The following RADIL variants were observed in gnomAD, a reference collection of about 807,000 sequenced individuals.
RADIL encodes the protein Rap associating with DIL domain.
A neutral mutation model predicts 97.6 loss-of-function variants in RADIL; 99 were observed. The observed-to-expected ratio is 1.01, with a 90% CI of 0.86 to 1.20. RADIL has a LOEUF of 1.20. RADIL is among the 50% of genes most tolerant of loss of function. The probability of loss-of-function intolerance (pLI) is 0.00; values close to 1 mark genes in which losing one functional copy is unlikely to be tolerated. For missense variants in RADIL, 1,765 were observed against 1,498.9 expected (o/e 1.18, Z -2.93); for synonymous variants, 803 against 691.8 (o/e 1.16, Z -2.52).
intron 1 of RADIL, chr7:4,881,995 C>G (rs1007111837): frequency 6.6e-6 from 1 of 151,586 alleles, no homozygotes; most frequent in Admixed American, 6.6e-5. Flanking sequence ...GATTCGAAGG[C>G]AGAGGCAGAG....
At chr7:4,820,743 G>A (rs773107825) in intron 6 of RADIL, among the ~76,000 whole-genome samples, 46 of 152,282 alleles carry the variant, frequency 3.0e-4, no homozygotes, top group Admixed American at 7.8e-4. Flanking sequence ...GGGCCAGCCC[G>A]GCCTGTTCCA....
In RADIL at chr7:4,799,632, C is replaced by T; in HGVS notation, c.3120G>A (p.Leu1040=). Residue 1040 remains leucine (L), a splice_region_variant and synonymous_variant, in exon 14 of 15, where the codon CTG becomes CTA. Coordinates refer to ENST00000399583, the MANE Select transcript of RADIL (RefSeq NM_018059.5). ...GGGCGTGCATGCGGTGGGGGTACCT[C>T]AGGTAGCCAAGGCCCAGGAGGCTGC... ...NGSSLLGLGY[L]RAVDLIRHGG... 6.2e-7 allele frequency: 1 copy of T among 1,605,322 alleles called. No homozygotes were observed. Among genetic ancestry groups the T allele is most frequent in the Non-Finnish European group, 8.5e-7 (1 of 1,176,314 alleles).
At chr7:4,832,933 G>A (rs1426509408) in intron 4 of RADIL, among the ~76,000 whole-genome samples, 1 of 152,154 alleles carries the variant, frequency 6.6e-6, no homozygotes, top group Non-Finnish European at 1.5e-5. Context: ...CATGGGATCT[G>A]GACAGCACCC....
intron 2 of RADIL, among the ~76,000 whole-genome samples, chr7:4,836,895 A>T (rs1562444330): frequency 6.6e-6 from 1 of 152,036 alleles, no homozygotes; most frequent in Non-Finnish European, 1.5e-5. Flanking sequence ...CTGAGATTGC[A>T]CCACTGCACT....
intron 2 of RADIL, chr7:4,862,032 CCGTACACGCGCGGGCGCCTG>C (rs1348391338): frequency 4.9e-6 from 2 of 408,894 alleles, no homozygotes; most frequent in Admixed American, 4.2e-5. Flanking sequence ...CCAGAACCTA[CCGTACACGCGCGGGCGCCTG>C]CGCACCCGCC....
chr7:4,834,900 C>T lies in RADIL; in HGVS notation c.1123G>A (p.Val375Met). ...CCGCACAGCCGGCAGCTCTGCGGCA[C>T]AGCCCGGAGGCGCGCCAAGGCCCGG... is the stretch of plus-strand genomic sequence containing the variant. Reference protein sequence around the residue: ...PARALARLRAVPQSCRLCGAA... With the variant: ...PARALARLRAMPQSCRLCGAA... Residue 375 changes from valine (V) to methionine (M), a missense_variant, in exon 4 of 15, where the codon GTG (valine) becomes ATG (methionine). Transcript: ENST00000399583. The surrounding 1 kb of genome is among the most constrained non-coding windows in gnomAD (Gnocchi z 6.0). The T allele has an allele frequency of 6.7e-7, 1 of 1,487,988 alleles. No individual in the cohort carries two copies. The highest frequency in any genetic ancestry group is 8.9e-7 in the Non-Finnish European group (1 of 1,120,196). The allele number at this position is 1,487,988 out of a possible 1,614,324, so 92.2% of individuals were successfully genotyped here. A position where few individuals can be genotyped will look rare whatever the true frequency, so the allele number is the denominator to read the frequency against.
Position 4,799,678 on chromosome 7 carries a change from C to A in RADIL, c.3074G>T (p.Arg1025Leu). Residue 1025 changes from arginine (R) to leucine (L), a missense_variant, in exon 14 of 15, where the codon CGT becomes CTT. By Grantham distance (102) the Arg-to-Leu change is moderately radical. Transcript: ENST00000399583. ...GCTGCTGCCATTCACCTCCAGGATA[C>A]GGTCCCCCAGCGACAGGCGCCCGTC... ...AADGRLSLGD[R>L]ILEVNGSSLL... The A allele has an allele frequency of 6.3e-7, 1 of 1,591,816 alleles. No homozygotes were observed. Among genetic ancestry groups the A allele is most frequent in the Non-Finnish European group, 8.5e-7 (1 of 1,170,406 alleles).
chr7:4,821,930 CACA>C lies in RADIL; in HGVS notation c.1615+461_1615+463del, dbSNP rs1782844086. On this transcript the variant is annotated intron_variant, in intron 6 of 14. Transcript: ENST00000399583. The surrounding 1 kb of genome is among the most constrained non-coding windows in gnomAD (Gnocchi z 5.2). ...GTGAAACCGACATAATCTACAATTTCACAACAATGACTGGCAACATCTGTCCTT... is the reference window on the plus strand; with the variant it reads ...GTGAAACCGACATAATCTACAATTTCACAATGACTGGCAACATCTGTCCTT... Among the ~76,000 whole-genome samples the C allele has an allele frequency of 1.3e-5, 2 of 152,148 alleles. No homozygotes were observed. Among genetic ancestry groups the C allele is most frequent in the African/African-American group, 2.4e-5 (1 of 41,442 alleles).
At chr7:4,833,112 G>A (rs1783193748) in intron 4 of RADIL, among the ~76,000 whole-genome samples, 1 of 152,114 alleles carries the variant, frequency 6.6e-6, no homozygotes, top group South Asian at 2.1e-4. Flanking sequence ...GCAGGGAGTG[G>A]GCCAGCCACA....
rs1184605896 is a variant in RADIL, at chr7:4,798,015, T to TA, written c.*1362dup. 1.4e-5 allele frequency: 2 copies of TA among 147,930 alleles called. No homozygotes were observed. Among genetic ancestry groups the TA allele is most frequent in the Admixed American group, 6.7e-5 (1 of 14,840 alleles). The allele number at this position is 147,930 out of a possible 1,614,324, so 9.2% of individuals were successfully genotyped here. On this transcript the variant is annotated 3_prime_UTR_variant, in exon 15 of 15. Transcript: ENST00000399583. ...TATTTATATTTTATATAATAAAATA[T>TA]AAAAAATGTTTATAAAATATACGAA...
Position 4,853,908 on chromosome 7 carries a change from G to A in RADIL, c.536-17303C>T, listed in dbSNP as rs796223576. Among the ~76,000 whole-genome samples the A allele has an allele frequency of 5.5e-4, 84 of 152,256 alleles. 2 individuals carry two copies. Among genetic ancestry groups the A allele is most frequent in the African/African-American group, 2.0e-3 (83 of 41,534 alleles). ...ATAAGCCCTAAGCTATTGGTGAGGT[G>A]ATGTACCCAGCTAAGAAAAGAGACA... is the stretch of plus-strand genomic sequence containing the variant. On this transcript the variant is annotated intron_variant, in intron 2 of 14. Transcript: ENST00000399583.
Position 4,860,529 on chromosome 7 carries a change from T to C in RADIL, c.535+17076A>G, listed in dbSNP as rs1334706700. 6.2e-6 allele frequency: 10 copies of C among 1,614,204 alleles called. No homozygotes were observed. Among genetic ancestry groups the C allele is most frequent in the Non-Finnish European group, 8.5e-6 (10 of 1,180,020 alleles). On this transcript the variant is annotated intron_variant, in intron 2 of 14. Coordinates refer to ENST00000399583, the MANE Select transcript of RADIL (RefSeq NM_018059.5). The stretch of plus-strand genomic sequence containing the variant: ...GTACGAAATTCTTCCATATCAGGAT[T>C]TTCTTTGGGTGCTGGAAATGACTGT...
intron 2 of RADIL, among the ~76,000 whole-genome samples, chr7:4,844,466 A>C (rs1322413309): frequency 6.6e-6 from 1 of 152,148 alleles, no homozygotes; most frequent in African/African-American, 2.4e-5. Context: ...AAAGAAAAGA[A>C]AGAAGTTCAA....
In RADIL at chr7:4,878,061, TGCTG is replaced by T; in HGVS notation, c.75_78del (p.Ser26CysfsTer6). On this transcript the variant is annotated frameshift_variant, in exon 2 of 15. Coordinates refer to ENST00000399583, the MANE Select transcript of RADIL (RefSeq NM_018059.5). LOFTEE classifies it high-confidence loss of function. This position sits in a 1 kb window ranked among gnomAD's most constrained non-coding sequence, Gnocchi z 4.1. ...TTGTAGCTCAGCGTCCGGGACAGCA[TGCTG>T]GACAACAGCTGGCTCTGCCGCTTCA... The T allele has an allele frequency of 3.1e-6, 5 of 1,602,228 alleles. No homozygotes were observed. Among genetic ancestry groups the T allele is most frequent in the Non-Finnish European group, 4.3e-6 (5 of 1,175,412 alleles).
In RADIL at chr7:4,809,533, C is replaced by T. The variant is rs1782475224; in HGVS notation, c.2140-3817G>A. 5.1e-6 allele frequency: 5 copies of T among 985,426 alleles called. 1 individual carries two copies. The South Asian group carries it at 1.4e-4, about 28-fold the overall frequency. The allele number at this position is 985,426 out of a possible 1,614,324, so 61.0% of individuals were successfully genotyped here. A position where few individuals can be genotyped will look rare whatever the true frequency, so the allele number is the denominator to read the frequency against. Reference sequence around the variant, plus strand: ...AACAAGAACGTGGGCGGCGGCTGCTCGGGAGCCCCCAGGCCCGCCCAGGCA... The same window carrying T: ...AACAAGAACGTGGGCGGCGGCTGCTTGGGAGCCCCCAGGCCCGCCCAGGCA... On this transcript the variant is annotated intron_variant, in intron 9 of 14. Transcript: ENST00000399583.
intron 2 of RADIL, among the ~76,000 whole-genome samples, chr7:4,847,448 G>A (rs978183782): frequency 7.2e-5 from 11 of 152,142 alleles, no homozygotes; most frequent in African/African-American, 2.7e-4. Flanking sequence ...TTGTTAAAAT[G>A]TTACACATGA....
At position 4,803,640 on chromosome 7, in the gene RADIL, T is replaced by C; in HGVS notation, c.2405A>G (p.Tyr802Cys). 1 of 1,550,032 alleles carries C rather than the reference T, an allele frequency of 6.5e-7. No individual in the cohort carries two copies. The highest frequency in any genetic ancestry group is 2.4e-5 in the East Asian group (1 of 40,918). Residue 802 changes from tyrosine (Y) to cysteine (C), a missense_variant, in exon 11 of 15, where the codon TAC becomes TGC. Physicochemically the swap from Tyr to Cys is radical, Grantham distance 194 (BLOSUM62 -2). Transcript: ENST00000399583. ...LDDSIYQHLL[Y>C]VRHFLWGLRS... ...CAGACCCCACAGAAAGTGGCGGACG[T>C]AGAGCAGGTGCTGGTAGATGCTGTC...
chr7:4,847,152 C>G (rs914912372), intron 2 of RADIL, among the ~76,000 whole-genome samples: 1 of 152,036 alleles, frequency 6.6e-6, no homozygotes, highest in Non-Finnish European at 1.5e-5. Flanking sequence ...AAAACCCCGT[C>G]TCTACTAAAG....
chr7:4,826,298 T>C (rs1404588139), intron 5 of RADIL, among the ~76,000 whole-genome samples: 1 of 152,060 alleles, frequency 6.6e-6, no homozygotes, highest in Non-Finnish European at 1.5e-5. Flanking sequence ...GCTGGAATAA[T>C]GTCAGTAATA....
Sources: allele counts gnomAD v4.1 joint callset (sites outside exome capture counted in the v4.1 genomes callset), GRCh38; gene constraint gnomAD v4.1.1; non-coding constraint Gnocchi (gnomAD v3.1); transcripts MANE v1.5; gene names NCBI Gene and HGNC (gene_info 2026-07-23, HGNC 2026-07-21).